Variants in CDH8 observed in about 807,000 individuals in gnomAD.
The protein encoded by CDH8 is cadherin-8.
A neutral mutation model predicts 68.1 loss-of-function variants in CDH8; 17 were observed. That is an observed-to-expected ratio of 0.25 (90% CI 0.17 to 0.37). The LOEUF (loss-of-function observed/expected upper bound fraction) is 0.37. Among genes scored for constraint, CDH8 ranks in the 10% least tolerant of loss-of-function variants. The pLI is 1.00. For missense variants in CDH8, 763 were observed against 999.3 expected, an observed-to-expected ratio of 0.76 and a Z score of 3.19; for synonymous variants, 372 against 365.1, an observed-to-expected ratio of 1.02 and a Z score of -0.21.
chr16:61,714,948 A>G (rs1241808075), intron 9 of CDH8, among the ~76,000 whole-genome samples: 1 of 151,580 alleles, frequency 6.6e-6, no homozygotes, highest in Non-Finnish European at 1.5e-5. Flanking sequence ...AAGAGAAAAA[A>G]AAATTCCTTT....
At chr16:61,696,380 A>C (rs899572833) in intron 10 of CDH8, among the ~76,000 whole-genome samples, 2 of 152,226 alleles carry the variant, frequency 1.3e-5, no homozygotes, top group Non-Finnish European at 2.9e-5. Flanking sequence ...GAATTAAATC[A>C]TTAGATAAAT....
At position 61,689,708 on chromosome 16, in the gene CDH8, C is replaced by T. The variant is rs186716759; in HGVS notation, c.1654+24133G>A. Among the ~76,000 whole-genome samples, 82 of 151,848 alleles carry T rather than the reference C, an allele frequency of 5.4e-4. 1 individual carries two copies. Among genetic ancestry groups the T allele is most frequent in the African/African-American group, 1.9e-3 (78 of 41,420 alleles). On this transcript the variant is annotated intron_variant, in intron 10 of 11. Coordinates refer to ENST00000577390, the MANE Select transcript of CDH8 (RefSeq NM_001796.5). ...TATGTGTTCATTATGATTGCAGAATCTTTATTTTTCTTCAGTGATGATAAG... is the reference window on the plus strand; with the variant it reads ...TATGTGTTCATTATGATTGCAGAATTTTTATTTTTCTTCAGTGATGATAAG...
chr16:61,837,244 C>T (rs1319827393), intron 4 of CDH8, among the ~76,000 whole-genome samples: 1 of 152,088 alleles, frequency 6.6e-6, no homozygotes, highest in Admixed American at 6.6e-5. Flanking sequence ...GTTGGCTCAA[C>T]ATTGCACCTC....
intron 4 of CDH8, among the ~76,000 whole-genome samples, chr16:61,852,869 C>CCTTCCTTCCTTCCTTCCATT (rs1567500475): frequency 2.9e-4 from 39 of 135,670 alleles, no homozygotes; most frequent in African/African-American, 1.1e-3. Context: ...TTCCTTCCTT[C>CCTTCCTTCCTTCCTTCCATT]CTTCCTTCCT....
intron 1 of CDH8, among the ~76,000 whole-genome samples, chr16:62,022,940 T>C (rs1346242571): frequency 6.6e-6 from 1 of 152,006 alleles, no homozygotes; most frequent in Non-Finnish European, 1.5e-5. Flanking sequence ...CTGATGAGTA[T>C]AGAGGAGCCA....
intron 2 of CDH8, among the ~76,000 whole-genome samples, chr16:62,010,227 G>A (rs1901773936): frequency 6.6e-6 from 1 of 152,196 alleles, no homozygotes; most frequent in South Asian, 2.1e-4. Flanking sequence ...ATCTCTCATT[G>A]TCTGCTCAAA....
Position 61,747,107 on chromosome 16 carries a change from ATACATTAC to A in CDH8, c.1415-19900_1415-19893del, listed in dbSNP as rs1244649933. On this transcript the variant is annotated intron_variant, in intron 8 of 11. Coordinates refer to ENST00000577390, the MANE Select transcript of CDH8 (RefSeq NM_001796.5). ...GTAAACATAGATCACAGTTACATTT[ATACATTAC>A]TACTTCCTCTAACTGAATTAGTATC... Among the ~76,000 whole-genome samples, 13 of 152,268 alleles carry A rather than the reference ATACATTAC, an allele frequency of 8.5e-5. No homozygotes were observed. The East Asian group carries it at 2.5e-3, about 29-fold the overall frequency.
At chr16:61,928,812 T>C (rs983504027) in intron 2 of CDH8, among the ~76,000 whole-genome samples, 28 of 152,224 alleles carry the variant, frequency 1.8e-4, no homozygotes, top group Non-Finnish European at 1.6e-4. Context: ...AAATGGCATC[T>C]GAACATTGTA....
At chr16:61,987,680 A>G (rs16964139) in intron 2 of CDH8, among the ~76,000 whole-genome samples, 5,446 of 152,096 alleles carry the variant, frequency 0.036, 237 homozygotes, top group African/African-American at 0.1. Flanking sequence ...CTCTCATGAC[A>G]ATATGATGTC....
intron 3 of CDH8, among the ~76,000 whole-genome samples, chr16:61,892,609 C>T (rs1963797028): frequency 6.6e-6 from 1 of 151,980 alleles, no homozygotes; most frequent in African/African-American, 2.4e-5. Flanking sequence ...TAGAAATATA[C>T]AGACAAATAA....
At chr16:61,665,101 A>G (rs1376900944) in intron 10 of CDH8, among the ~76,000 whole-genome samples, 1 of 151,978 alleles carries the variant, frequency 6.6e-6, no homozygotes, top group Non-Finnish European at 1.5e-5. Flanking sequence ...ACATAAGGTC[A>G]TAATGGTGAG....
chr16:61,837,762 G>T (rs949772353), intron 4 of CDH8, among the ~76,000 whole-genome samples: 1 of 151,978 alleles, frequency 6.6e-6, no homozygotes, highest in African/African-American at 2.4e-5. Flanking sequence ...TGGTCCTTAC[G>T]CACATAGACC....
intron 2 of CDH8, among the ~76,000 whole-genome samples, chr16:61,984,974 C>G (rs748458131): frequency 3.9e-5 from 6 of 152,090 alleles, no homozygotes; most frequent in Admixed American, 1.3e-4. Context: ...TATGCATGGT[C>G]TTTTTGGGGC....
rs185936383 is a variant in CDH8 at position 61,997,526 on chromosome 16, C to T, written c.252+23626G>A. Among the ~76,000 whole-genome samples, 322 of 152,058 alleles carry T rather than the reference C, an allele frequency of 2.1e-3. 2 individuals carry two copies. Among genetic ancestry groups the T allele is most frequent in the Admixed American group, 3.4e-3 (52 of 15,274 alleles). On this transcript the variant is annotated intron_variant, in intron 2 of 11. Coordinates refer to ENST00000577390, the MANE Select transcript of CDH8 (RefSeq NM_001796.5). Reference sequence around the variant, plus strand: ...GGAATATGGAGATTTTTTAAAATCACGAATTAATGCTAAAACTATTGGATG... The same window carrying T: ...GGAATATGGAGATTTTTTAAAATCATGAATTAATGCTAAAACTATTGGATG...
At chr16:62,009,156 A>C (rs1239950064) in intron 2 of CDH8, among the ~76,000 whole-genome samples, 1 of 152,170 alleles carries the variant, frequency 6.6e-6, no homozygotes, top group African/African-American at 2.4e-5. Context: ...CATTTTTAAT[A>C]GCATGTTTGC....
chr16:61,952,110 C>T (rs905542240), intron 2 of CDH8, among the ~76,000 whole-genome samples: 2 of 152,072 alleles, frequency 1.3e-5, no homozygotes, highest in African/African-American at 4.8e-5. Context: ...TCTGTTAAAA[C>T]GTCTTTTTTG....
At chr16:61,841,018 G>T (rs556422253) in intron 4 of CDH8, among the ~76,000 whole-genome samples, 8 of 151,966 alleles carry the variant, frequency 5.3e-5, no homozygotes, top group Non-Finnish European at 1.2e-4. Flanking sequence ...ATAAAATAAT[G>T]TAGTCCATCA....
intron 9 of CDH8, among the ~76,000 whole-genome samples, chr16:61,720,790 T>G (rs1959211235): frequency 6.6e-6 from 1 of 150,868 alleles, no homozygotes; most frequent in African/African-American, 2.4e-5. Flanking sequence ...GTCTATTATA[T>G]TGACCCATTT....
At chr16:61,958,783 T>A (rs572145091) in intron 2 of CDH8, among the ~76,000 whole-genome samples, 1 of 152,182 alleles carries the variant, frequency 6.6e-6, no homozygotes, top group Non-Finnish European at 1.5e-5. Flanking sequence ...TCTGAGATTA[T>A]CTACTAAGAT....
Sources: allele counts gnomAD v4.1 joint callset (sites outside exome capture counted in the v4.1 genomes callset), GRCh38; gene constraint gnomAD v4.1.1; transcripts MANE v1.5; gene names NCBI Gene and HGNC (gene_info 2026-07-23, HGNC 2026-07-21).